GNAZ: variants seen among roughly 807,000 people sequenced by gnomAD.
The protein encoded by GNAZ is G protein subunit alpha z.
A neutral mutation model predicts 25.4 loss-of-function variants in GNAZ; 3 were observed. That is an observed-to-expected ratio of 0.12 (90% CI 0.05 to 0.30). The LOEUF (loss-of-function observed/expected upper bound fraction) is 0.30, where lower values mean the gene tolerates loss of function less well. Among genes scored for constraint, GNAZ ranks in the 10% least tolerant of loss-of-function variants. The pLI, the probability that GNAZ is intolerant of heterozygous loss-of-function variation, is 1.00. For synonymous variants in GNAZ, 211 were observed against 205.7 expected (o/e 1.03, Z -0.22); for missense variants, 241 against 501.8 (o/e 0.48, Z 4.97).
chr22:23,108,747 A>G lies in GNAZ; in HGVS notation c.723+12329A>G, dbSNP rs370696345. Among the ~76,000 whole-genome samples the G allele has an allele frequency of 2.0e-5, 3 of 152,334 alleles. No homozygotes were observed. The East Asian group carries it at 5.8e-4, about 29-fold the overall frequency. On this transcript the variant is annotated intron_variant, in intron 2 of 2. Transcript: ENST00000615612. Reference sequence around the variant, plus strand: ...GTCATGGCCTAGGACCTTTCTTCCCAGGCAGGAGTCAGCTCCACCTGCTCT... The same window carrying G: ...GTCATGGCCTAGGACCTTTCTTCCCGGGCAGGAGTCAGCTCCACCTGCTCT...
At chr22:23,116,672 A>T (rs1056764796) in intron 2 of GNAZ, among the ~76,000 whole-genome samples, 1 of 152,140 alleles carries the variant, frequency 6.6e-6, no homozygotes, top group African/African-American at 2.4e-5. Context: ...GGAGGTCAGA[A>T]CGTGTGAGGC....
chr22:23,101,329 C>T (rs575949176), intron 2 of GNAZ, among the ~76,000 whole-genome samples: 1 of 152,276 alleles, frequency 6.6e-6, no homozygotes, highest in Admixed American at 6.5e-5. Context: ...CATACTGGTC[C>T]CACATCCTGT....
chr22:23,083,067 G>T (rs530349522), intron 1 of GNAZ, among the ~76,000 whole-genome samples: 1 of 152,222 alleles, frequency 6.6e-6, no homozygotes, highest in South Asian at 2.1e-4. Context: ...GGAGGAGGGT[G>T]GGCAGGAGAA....
chr22:23,115,886 G>C (rs1480338254), intron 2 of GNAZ, among the ~76,000 whole-genome samples: 1 of 152,240 alleles, frequency 6.6e-6, no homozygotes, highest in African/African-American at 2.4e-5. Context: ...AGGGGAGGGT[G>C]GTGGTCATAA....
intron 2 of GNAZ, among the ~76,000 whole-genome samples, chr22:23,118,601 C>T (rs1376934025): frequency 6.6e-6 from 1 of 152,196 alleles, no homozygotes; most frequent in Non-Finnish European, 1.5e-5. Flanking sequence ...GGAGTCAGCC[C>T]CTCTTGAGGC....
chr22:23,082,138 A>C lies in GNAZ; in HGVS notation c.-450+11568A>C, dbSNP rs967072133. 5.1e-3 allele frequency among the ~76,000 whole-genome samples: 342 copies of C among 67,206 alleles called. 1 individual carries two copies. The highest frequency in any genetic ancestry group is 6.8e-3 in the Non-Finnish European group (245 of 36,206). 44.1% of individuals were successfully genotyped at this position (67,206 alleles called of 152,430 possible). A position where few individuals can be genotyped will look rare whatever the true frequency, so the allele number is the denominator to read the frequency against. On this transcript the variant is annotated intron_variant, in intron 1 of 2. Transcript: ENST00000615612. ...AGACTCCGCCTCAAAAAAAAAACAAAAAAAAAAAACACCCCAGAAATATAT... is the reference window on the plus strand; with the variant it reads ...AGACTCCGCCTCAAAAAAAAAACAACAAAAAAAAACACCCCAGAAATATAT...
chr22:23,122,935 A>G, intron 2 of GNAZ, 152 bp from the exon 3 acceptor site: 2 of 611,138 alleles, frequency 3.3e-6, no homozygotes, highest in East Asian at 5.4e-5. Context: ...GAAGACATTT[A>G]ACCTGGGCTT....
chr22:23,077,884 C>T (rs937986421), intron 1 of GNAZ, among the ~76,000 whole-genome samples: 3 of 152,232 alleles, frequency 2.0e-5, no homozygotes, highest in Admixed American at 1.3e-4. Flanking sequence ...ACTCCTCTTG[C>T]ACCCCCACAC....
chr22:23,072,288 C>T (rs2068398952), intron 1 of GNAZ, among the ~76,000 whole-genome samples: 1 of 152,114 alleles, frequency 6.6e-6, no homozygotes, highest in Admixed American at 6.5e-5. Flanking sequence ...TGGGAGCATC[C>T]ATCTACGGGG....
intron 2 of GNAZ, among the ~76,000 whole-genome samples, chr22:23,120,408 A>T (rs1299524816): frequency 6.6e-6 from 1 of 151,930 alleles, no homozygotes; most frequent in Non-Finnish European, 1.5e-5. Context: ...CTGCCAGCTG[A>T]GCTCTCCCTA....
chr22:23,112,767 C>T (rs1260460774), intron 2 of GNAZ, among the ~76,000 whole-genome samples: 1 of 152,030 alleles, frequency 6.6e-6, no homozygotes, highest in African/African-American at 2.4e-5. Context: ...AGACGGACAC[C>T]AAGGTCAGAT....
In GNAZ at chr22:23,103,410, G is replaced by A. The variant is rs184527592; in HGVS notation, c.723+6992G>A. 2.7e-3 allele frequency among the ~76,000 whole-genome samples: 418 copies of A among 152,206 alleles called. 2 individuals are homozygous for A. The highest frequency in any genetic ancestry group is 9.5e-3 in the African/African-American group (393 of 41,518). On this transcript the variant is annotated intron_variant, in intron 2 of 2. Transcript: ENST00000615612. The stretch of plus-strand genomic sequence containing the variant: ...CACTGGTGTATGGCAGGATTGATCC[G>A]CTACTGCCATCTTACTGAAGAACCC...
chr22:23,111,466 G>A (rs1485508116), intron 2 of GNAZ, among the ~76,000 whole-genome samples: 4 of 152,220 alleles, frequency 2.6e-5, no homozygotes, highest in Admixed American at 6.5e-5. Context: ...CTCTGGAAAC[G>A]GAGATGCCAA....
chr22:23,104,520 G>C (rs776403835), intron 2 of GNAZ, among the ~76,000 whole-genome samples: 2 of 152,198 alleles, frequency 1.3e-5, no homozygotes, highest in Non-Finnish European at 2.9e-5. Flanking sequence ...TTTCCTGAGC[G>C]CATTAGCTCT....
chr22:23,074,793 CCT>C (rs2068470058), intron 1 of GNAZ, among the ~76,000 whole-genome samples: 1 of 152,144 alleles, frequency 6.6e-6, no homozygotes, highest in Admixed American at 6.5e-5. Context: ...GAGCAGGTCC[CCT>C]GTGTCAAGCA....
chr22:23,112,991 A>T (rs2069697321), intron 2 of GNAZ, among the ~76,000 whole-genome samples: 1 of 152,178 alleles, frequency 6.6e-6, no homozygotes, highest in Non-Finnish European at 1.5e-5. Flanking sequence ...TTCAGGTCTG[A>T]CGTGGCCCAT....
At chr22:23,089,370 C>G (rs1027766964) in intron 1 of GNAZ, among the ~76,000 whole-genome samples, 2 of 152,162 alleles carry the variant, frequency 1.3e-5, no homozygotes, top group African/African-American at 4.8e-5. Context: ...GCAGGGCAGG[C>G]TGGCTCCCAT....
At chr22:23,120,067 C>T (rs190307958) in intron 2 of GNAZ, among the ~76,000 whole-genome samples, 97 of 152,304 alleles carry the variant, frequency 6.4e-4, no homozygotes, top group Non-Finnish European at 1.1e-3. Context: ...ATGAGGCTGC[C>T]GCAGTGGCGG....
intron 2 of GNAZ, among the ~76,000 whole-genome samples, chr22:23,098,146 G>A (rs578003873): frequency 6.6e-6 from 1 of 152,368 alleles, no homozygotes; most frequent in Admixed American, 6.5e-5. Context: ...GCCTGTGCCT[G>A]CCACCTTGCT....
Sources: allele counts gnomAD v4.1 joint callset (sites outside exome capture counted in the v4.1 genomes callset), GRCh38; gene constraint gnomAD v4.1.1; transcripts MANE v1.5; gene names NCBI Gene and HGNC (gene_info 2026-07-23, HGNC 2026-07-21).